The following FAP variants were observed in gnomAD, a reference collection of about 807,000 sequenced individuals.
FAP encodes prolyl endopeptidase FAP.
Under a neutral mutation model 126.5 loss-of-function variants are expected in FAP, and 110 were observed. The ratio of observed to expected loss-of-function variants is 0.87; its 90% CI spans 0.74 to 1.02. The LOEUF is 1.02. Among genes scored for constraint, FAP ranks in the 50% least tolerant of loss-of-function variants. The probability of loss-of-function intolerance (pLI) is 0.00; values close to 1 mark genes in which losing one functional copy is unlikely to be tolerated. For synonymous variants in FAP, 334 were observed against 297.3 expected (o/e 1.12, Z -1.27); for missense variants, 919 against 909.2 (o/e 1.01, Z -0.14).
At chr2:162,182,352 T>C (rs1687721913) in intron 21 of FAP, among the ~76,000 whole-genome samples, 1 of 152,208 alleles carries the variant, frequency 6.6e-6, no homozygotes, top group African/African-American at 2.4e-5. Context: ...GGAAACTTTA[T>C]AAAAATGGAT....
At chr2:162,228,125 A>G (rs569038070) in intron 2 of FAP, among the ~76,000 whole-genome samples, 2 of 152,300 alleles carry the variant, frequency 1.3e-5, no homozygotes, top group African/African-American at 4.8e-5. Flanking sequence ...CAGGCATCTA[A>G]TAAATAGTTG....
chr2:162,222,302 T>G (rs1159852469), intron 6 of FAP, among the ~76,000 whole-genome samples: 1 of 152,186 alleles, frequency 6.6e-6, no homozygotes, highest in Non-Finnish European at 1.5e-5. Flanking sequence ...ATCTCATTGT[T>G]ATATGTGTTT....
At chr2:162,197,650 T>C (rs1293125106) in intron 16 of FAP, 3 of 456,634 alleles carry the variant, frequency 6.6e-6, no homozygotes, top group Non-Finnish European at 8.8e-6. Context: ...GCAGCTCAGG[T>C]TCCGGGGCCA....
rs532143595 is a variant in FAP at position 162,230,985 on chromosome 2, G to A, written c.92-4364C>T. Reference sequence around the variant, plus strand: ...GAGAAGAGATTCCACATAACTGAGTGTTGACCATGGCTTCCAAGGAATGTA... The same window carrying A: ...GAGAAGAGATTCCACATAACTGAGTATTGACCATGGCTTCCAAGGAATGTA... On this transcript the variant is annotated intron_variant, in intron 2 of 25. Coordinates refer to ENST00000188790, the MANE Select transcript of FAP (RefSeq NM_004460.5). Among the ~76,000 whole-genome samples the A allele has an allele frequency of 8.5e-5, 13 of 152,264 alleles. No individual in the cohort carries two copies. In the South Asian group the frequency reaches 2.7e-3, roughly 32 times the overall value.
rs201821507 is a variant in FAP at position 162,224,556 on chromosome 2, G to T, written c.286-16C>A. The T allele has an allele frequency of 6.6e-7, 1 of 1,518,720 alleles. No homozygotes were observed. Among genetic ancestry groups the T allele is most frequent in the Non-Finnish European group, 9.0e-7 (1 of 1,111,832 alleles). 94.1% of individuals were successfully genotyped at this position (1,518,720 alleles called of 1,614,324 possible). On this transcript the variant is annotated splice_polypyrimidine_tract_variant and intron_variant, in intron 4 of 25. Transcript: ENST00000188790. ...TCACACTTTTCTGAAATTATGAAGA[G>T]GTTGATTAGAATACAGAAAAGATAA...
At position 162,189,031 on chromosome 2, in the gene FAP, A is replaced by G. The variant is rs1687949873; in HGVS notation, c.1619+72T>C. The G allele has an allele frequency of 1.1e-4, 107 of 975,732 alleles. 3 individuals carry two copies. In the South Asian group the frequency reaches 1.6e-3, roughly 15 times the overall value. The allele number at this position is 975,732 out of a possible 1,614,324, so 60.4% of individuals were successfully genotyped here. On this transcript the variant is annotated intron_variant, in intron 19 of 25. Transcript: ENST00000188790. ...GTTACCAAGGAGAATGGTTCATTCT[A>G]TTTCATAAATGTGTATTTCATCTAA...
chr2:162,183,585 A>G, intron 20 of FAP, 117 bp from the exon 21 acceptor site: 2 of 676,986 alleles, frequency 3.0e-6, no homozygotes, highest in Non-Finnish European at 5.3e-6. Context: ...TCTTTGTTTA[A>G]ACACATGCAT....
rs556242049 is a variant in FAP, at chr2:162,181,038, G to A, written c.1869+2376C>T. Among the ~76,000 whole-genome samples, 5 of 152,298 alleles carry A rather than the reference G, an allele frequency of 3.3e-5. No homozygotes were observed. In the East Asian group the frequency reaches 9.6e-4, roughly 29 times the overall value. On this transcript the variant is annotated intron_variant, in intron 21 of 25. Transcript: ENST00000188790. ...GCCTGTAATCCCAGCATTTTGGGAG[G>A]CTGAGGTAAGTGAATTGCTTGAGCC...
rs1050380754 is a variant in FAP, at chr2:162,173,031, T to C, written c.2107+118A>G. The stretch of plus-strand genomic sequence containing the variant: ...GAGTAATCACACTCAGATATGGAAA[T>C]GTCCCTGACTCTTAGGTACTGACCC... On this transcript the variant is annotated intron_variant, in intron 24 of 25. Coordinates refer to ENST00000188790, the MANE Select transcript of FAP (RefSeq NM_004460.5). 8.0e-6 allele frequency: 9 copies of C among 1,125,002 alleles called. No homozygotes were observed. The Admixed American group carries it at 8.6e-5, about 11-fold the overall frequency. 69.7% of individuals were successfully genotyped at this position (1,125,002 alleles called of 1,614,324 possible). A position where few individuals can be genotyped will look rare whatever the true frequency, so the allele number is the denominator to read the frequency against.
chr2:162,193,842 G>A (rs1047451150), intron 17 of FAP: 2 of 152,058 alleles, frequency 1.3e-5, no homozygotes, highest in Admixed American at 1.3e-4. Context: ...TCCCAAGGCA[G>A]TCTCCTGACT....
chr2:162,221,840 TAG>T (rs1480948993), intron 6 of FAP: 13 of 425,112 alleles, frequency 3.1e-5, no homozygotes, highest in Middle Eastern at 3.4e-4. Flanking sequence ...TAGATTTTTA[TAG>T]AGTCTTCAAA....
At chr2:162,203,949 C>A (rs958315668) in intron 12 of FAP, among the ~76,000 whole-genome samples, 1 of 152,266 alleles carries the variant, frequency 6.6e-6, no homozygotes, top group East Asian at 1.9e-4. Flanking sequence ...AATTAATTGA[C>A]TTGTCTTACA....
Position 162,189,123 on chromosome 2 carries a change from C to A in FAP, c.1599G>T (p.Lys533Asn), listed in dbSNP as rs202178223. Reference sequence around the variant, plus strand: ...CATACACTTGAATTAGCAAGGGATACTTCTTTGATCTGTCAAATTGAGGAG... The same window carrying A: ...CATACACTTGAATTAGCAAGGGATAATTCTTTGATCTGTCAAATTGAGGAG... Reference protein sequence around the residue: ...ILPPQFDRSKKYPLLIQVYGG... With the variant: ...ILPPQFDRSKNYPLLIQVYGG... Residue 533 changes from lysine to asparagine, a missense_variant, in exon 19 of 26, where the codon AAG becomes AAT. By Grantham distance (94) the Lys-to-Asn change is moderately conservative. Coordinates refer to ENST00000188790, the MANE Select transcript of FAP (RefSeq NM_004460.5). 2.5e-6 allele frequency: 4 copies of A among 1,600,156 alleles called. No homozygotes were observed. Among genetic ancestry groups the A allele is most frequent in the Non-Finnish European group, 3.4e-6 (4 of 1,171,598 alleles).
At chr2:162,193,347 A>C (rs1357237191) in intron 17 of FAP, among the ~76,000 whole-genome samples, 1 of 152,168 alleles carries the variant, frequency 6.6e-6, no homozygotes, top group African/African-American at 2.4e-5. Context: ...CTCTGAAAGA[A>C]TTTGATTTTT....
intron 2 of FAP, among the ~76,000 whole-genome samples, chr2:162,234,947 C>T (rs952087127): frequency 2.6e-5 from 4 of 152,314 alleles, no homozygotes; most frequent in Admixed American, 2.6e-4. Flanking sequence ...GGGCCCCACA[C>T]TCCCAGCGGC....
chr2:162,191,506 T>C (rs1040715958), intron 17 of FAP, among the ~76,000 whole-genome samples: 1 of 151,962 alleles, frequency 6.6e-6, no homozygotes. Flanking sequence ...TTACTTTCTT[T>C]CTCCCATCAC....
chr2:162,242,816 C>G lies in FAP; in HGVS notation c.91+92G>C, dbSNP rs906121608. On this transcript the variant is annotated intron_variant, in intron 2 of 25. Transcript: ENST00000188790. ...TAACAGACTTACTTTGGAACATAAG[C>G]ACTTAGGAAATGTTCAACCACTTGT... 8.0e-6 allele frequency: 7 copies of G among 877,516 alleles called. No individual in the cohort carries two copies. The Admixed American group carries it at 1.5e-4, about 19-fold the overall frequency. 54.4% of individuals were successfully genotyped at this position (877,516 alleles called of 1,614,324 possible).
At chr2:162,197,283 TA>T (rs1224490567) in intron 16 of FAP, among the ~76,000 whole-genome samples, 5 of 152,256 alleles carry the variant, frequency 3.3e-5, no homozygotes, top group South Asian at 2.1e-4. Flanking sequence ...ATACAAAGAT[TA>T]AAAGAATGTA....
chr2:162,196,500 T>C (rs1688257170), intron 16 of FAP, among the ~76,000 whole-genome samples: 1 of 150,372 alleles, frequency 6.7e-6, no homozygotes, highest in Non-Finnish European at 1.5e-5. Context: ...GTAGTTTCAA[T>C]AATGGAAACT....
Sources: gnomAD v4.1 joint callset for allele counts (sites outside exome capture counted in the v4.1 genomes callset) on GRCh38, gnomAD v4.1.1 for gene constraint, MANE v1.5 for transcripts, NCBI Gene and HGNC (gene_info 2026-07-23, HGNC 2026-07-21) for gene names.